Variants in UQCRFS1 observed in about 807,000 individuals in gnomAD.
UQCRFS1 encodes ubiquinol-cytochrome c reductase, Rieske iron-sulfur polypeptide 1.
A neutral mutation model predicts 15.6 loss-of-function variants in UQCRFS1; 6 were observed. The observed-to-expected ratio is 0.38, with a 90% CI of 0.21 to 0.76. The LOEUF (loss-of-function observed/expected upper bound fraction) is 0.76. Ranked by LOEUF, UQCRFS1 falls within the 30% of genes least tolerant of loss-of-function variation. UQCRFS1 has a pLI of 0.44. For synonymous variants in UQCRFS1, 105 were observed against 154.3 expected (o/e 0.68, Z 2.37); for missense variants, 203 against 366.7 (o/e 0.55, Z 3.65).
chr19:29,213,041 C>T lies in UQCRFS1; in HGVS notation c.78G>A (p.Leu26=), dbSNP rs1976677444. The part of the protein sequence containing the change: ...SATSRGVAGA[L]RPLVQATVPA... ...GCACCGTGGCCTGCACCAAGGGCCG[C>T]AGCGCGCCCGCCACCCCGCGGGACG... The change falls in exon 1 of 2, where the codon CTG becomes CTA. Residue 26 remains leucine, a synonymous_variant. Transcript: ENST00000304863. 3 of 1,438,612 alleles carry T rather than the reference C, an allele frequency of 2.1e-6. No individual in the cohort carries two copies. The highest frequency in any genetic ancestry group is 2.9e-5 in the Admixed American group (1 of 34,066). 89.1% of individuals were successfully genotyped at this position (1,438,612 alleles called of 1,614,324 possible).
At position 29,207,928 on chromosome 19, in the gene UQCRFS1, G is replaced by A; in HGVS notation, c.445C>T (p.Leu149=). The change falls in exon 2 of 2, where the codon CTG becomes TTG. Residue 149 remains leucine, a synonymous_variant. Transcript: ENST00000304863. The part of the protein sequence containing the change: ...SMSASADVLA[L]AKIEIKLSDI... ...GATAACTTGATTTCGATTTTCGCCA[G>A]GGCCAACACATCAGCAGAAGCACTC... is the stretch of plus-strand genomic sequence containing the variant. 1 of 1,613,996 alleles carries A rather than the reference G, an allele frequency of 6.2e-7. No homozygotes were observed. Among genetic ancestry groups the A allele is most frequent in the Middle Eastern group, 1.7e-4 (1 of 6,056 alleles).
intron 1 of UQCRFS1, among the ~76,000 whole-genome samples, chr19:29,208,820 G>T (rs917225095): frequency 6.6e-6 from 1 of 152,030 alleles, no homozygotes; most frequent in East Asian, 1.9e-4. Flanking sequence ...CCACTAATAG[G>T]CAGAGAAGGA....
At chr19:29,208,407 G>A (rs1411769466) in intron 1 of UQCRFS1, among the ~76,000 whole-genome samples, 1 of 152,200 alleles carries the variant, frequency 6.6e-6, no homozygotes, top group Non-Finnish European at 1.5e-5. Flanking sequence ...TGTAAATTGA[G>A]CTCCCCCTAG....
Position 29,207,493 on chromosome 19 carries a change from G to A in UQCRFS1, c.*55C>T. The A allele has an allele frequency of 6.7e-7, 1 of 1,503,686 alleles. No individual in the cohort carries two copies. Among genetic ancestry groups the A allele is most frequent in the Non-Finnish European group, 8.9e-7 (1 of 1,125,440 alleles). 93.1% of individuals were successfully genotyped at this position (1,503,686 alleles called of 1,614,324 possible). A position where few individuals can be genotyped will look rare whatever the true frequency, so the allele number is the denominator to read the frequency against. On this transcript the variant is annotated 3_prime_UTR_variant, in exon 2 of 2. Transcript: ENST00000304863. Reference sequence around the variant, plus strand: ...GTACAGAAGGCTTCCTCTCAAATAAGTCTCCTGAGGTGACATAAAGACTGA... The same window carrying A: ...GTACAGAAGGCTTCCTCTCAAATAAATCTCCTGAGGTGACATAAAGACTGA...
In UQCRFS1 at chr19:29,207,456, A is replaced by T; in HGVS notation, c.*92T>A. 7.3e-7 allele frequency: 1 copy of T among 1,378,882 alleles called. No individual in the cohort carries two copies. Among genetic ancestry groups the T allele is most frequent in the Non-Finnish European group, 9.7e-7 (1 of 1,025,694 alleles). 85.4% of individuals were successfully genotyped at this position (1,378,882 alleles called of 1,614,324 possible). ...ACATCATCAATTCTTACATATTTCA[A>T]ATCAACTTCAAGTACAGAAGGCTTC... is the stretch of plus-strand genomic sequence containing the variant. On this transcript the variant is annotated 3_prime_UTR_variant, in exon 2 of 2. Transcript: ENST00000304863.
chr19:29,211,953 C>G (rs186249968), intron 1 of UQCRFS1, among the ~76,000 whole-genome samples: 1 of 152,310 alleles, frequency 6.6e-6, no homozygotes, highest in Non-Finnish European at 1.5e-5. Context: ...GGCCACTACA[C>G]AGCACACTAT....
Sources: gnomAD v4.1 joint callset for allele counts (sites outside exome capture counted in the v4.1 genomes callset) on GRCh38, gnomAD v4.1.1 for gene constraint, MANE v1.5 for transcripts, NCBI Gene and HGNC (gene_info 2026-07-23, HGNC 2026-07-21) for gene names.